MBOAT4: variants seen among roughly 807,000 people sequenced by gnomAD.
MBOAT4 encodes membrane bound ghrelin O-acyltransferase MBOAT4, also known as membrane-bound ghrelin O-acyltransferase MBOAT4.
Under a neutral mutation model 13.2 loss-of-function variants are expected in MBOAT4, and 11 were observed. That is an observed-to-expected ratio of 0.84 (90% CI 0.53 to 1.38). The LOEUF (loss-of-function observed/expected upper bound fraction) is 1.38. Ranked by LOEUF, MBOAT4 falls within the 40% of genes most tolerant of loss-of-function variation. The pLI, the probability that MBOAT4 is intolerant of heterozygous loss-of-function variation, is 0.00. For missense variants in MBOAT4, 481 were observed against 527.2 expected, an observed-to-expected ratio of 0.91 and a Z score of 0.86; for synonymous variants, 202 against 210.3, an observed-to-expected ratio of 0.96 and a Z score of 0.34.
In MBOAT4 at chr8:30,132,577, A is replaced by G; in HGVS notation, c.674T>C (p.Val225Ala). Residue 225 changes from valine to alanine, a missense_variant, in exon 3 of 3, where the codon GTG (valine) becomes GCG (alanine). By Grantham distance (64) the Val-to-Ala change is moderately conservative. Coordinates refer to ENST00000320542, the MANE Select transcript of MBOAT4 (RefSeq NM_001100916.2). Reference protein sequence around the residue: ...LECLNVAVSRVVDAGAGLTDC... With the variant: ...LECLNVAVSRAVDAGAGLTDC... ...AGTCAGTCCCGCTCCTGCATCCACCACCCTGCTCACTGCCACGTTTAGGCA... is the reference window on the plus strand; with the variant it reads ...AGTCAGTCCCGCTCCTGCATCCACCGCCCTGCTCACTGCCACGTTTAGGCA... The G allele has an allele frequency of 6.4e-7, 1 of 1,551,488 alleles. No individual in the cohort carries two copies. The highest frequency in any genetic ancestry group is 8.7e-7 in the Non-Finnish European group (1 of 1,146,968).
chr8:30,133,267 C>T (rs1447709567), intron 2 of MBOAT4, among the ~76,000 whole-genome samples: 1 of 151,974 alleles, frequency 6.6e-6, no homozygotes, highest in Non-Finnish European at 1.5e-5. Context: ...GACTAATATA[C>T]CCCAAACTTT....
intron 1 of MBOAT4, among the ~76,000 whole-genome samples, chr8:30,141,151 T>C (rs1201653185): frequency 6.6e-6 from 1 of 152,164 alleles, no homozygotes; most frequent in African/African-American, 2.4e-5. Flanking sequence ...ATTGTTTTTT[T>C]AATGTTGTAA....
At chr8:30,133,007 T>G (rs1019281738) in intron 2 of MBOAT4, 101 bp from the exon 3 acceptor site, 1 of 1,178,864 alleles carries the variant, frequency 8.5e-7, no homozygotes, top group African/African-American at 1.5e-5. Flanking sequence ...TAGATAGGTC[T>G]GTACAGCTAA....
At chr8:30,133,916 T>C (rs1268410459) in intron 2 of MBOAT4, among the ~76,000 whole-genome samples, 2 of 152,102 alleles carry the variant, frequency 1.3e-5, no homozygotes, top group Admixed American at 6.6e-5. Context: ...AATGCTTGTA[T>C]GTCTGATAAC....
At chr8:30,141,166 C>T (rs1482373049) in intron 1 of MBOAT4, among the ~76,000 whole-genome samples, 2 of 151,958 alleles carry the variant, frequency 1.3e-5, no homozygotes, top group Non-Finnish European at 2.9e-5. Flanking sequence ...TTGTAAAATA[C>T]CCACATTGAT....
intron 1 of MBOAT4, among the ~76,000 whole-genome samples, chr8:30,143,249 G>A (rs1803291394): frequency 6.6e-6 from 1 of 152,034 alleles, no homozygotes; most frequent in South Asian, 2.1e-4. Flanking sequence ...TGGGGAGGCT[G>A]AGGCAGGAGA....
intron 1 of MBOAT4, among the ~76,000 whole-genome samples, chr8:30,140,101 G>A (rs149525047): frequency 2.6e-5 from 4 of 152,216 alleles, no homozygotes; most frequent in East Asian, 1.9e-4. Context: ...GCAGAGGTGC[G>A]ATGTTGCTCA....
At chr8:30,142,729 A>G (rs1243240028) in intron 1 of MBOAT4, among the ~76,000 whole-genome samples, 1 of 152,102 alleles carries the variant, frequency 6.6e-6, no homozygotes, top group Non-Finnish European at 1.5e-5. Context: ...ATGTTGCTTT[A>G]TTGTTTTGAG....
At chr8:30,139,384 C>A (rs1354648170) in intron 1 of MBOAT4, among the ~76,000 whole-genome samples, 1 of 151,408 alleles carries the variant, frequency 6.6e-6, no homozygotes, top group African/African-American at 2.5e-5. Context: ...GCAAGGACAT[C>A]TTTGAAATCT....
At chr8:30,139,494 AG>A (rs1803225173) in intron 1 of MBOAT4, among the ~76,000 whole-genome samples, 1 of 152,192 alleles carries the variant, frequency 6.6e-6, no homozygotes, top group Non-Finnish European at 1.5e-5. Flanking sequence ...TCCTTTTCAC[AG>A]GGTCGTGCTA....
At position 30,131,762 on chromosome 8, in the gene MBOAT4, C is replaced by A; in HGVS notation, c.*181G>T. The A allele has an allele frequency of 1.5e-6, 1 of 650,388 alleles. No individual in the cohort carries two copies. The highest frequency in any genetic ancestry group is 2.5e-6 in the Non-Finnish European group (1 of 400,486). The allele number at this position is 650,388 out of a possible 1,614,324, so 40.3% of individuals were successfully genotyped here. On this transcript the variant is annotated 3_prime_UTR_variant, in exon 3 of 3. Coordinates refer to ENST00000320542, the MANE Select transcript of MBOAT4 (RefSeq NM_001100916.2). ...TTTTTCCTTTTTGTATCCTCAGTAC[C>A]AGCAGAATAGCTTGCTAAAGTAGAT...
rs140544481 is a variant in MBOAT4, at chr8:30,132,765, T to C, written c.486A>G (p.Ala162=). ...AGAGCAAGTAGCTGAAATAGGGCAGTGCCTTACACACATGCTCAGACAAAG... is the reference window on the plus strand; with the variant it reads ...AGAGCAAGTAGCTGAAATAGGGCAGCGCCTTACACACATGCTCAGACAAAG... ...RSSLSEHVCK[A]LPYFSYLLFF... The change falls in exon 3 of 3, where the codon GCA becomes GCG. Residue 162 remains alanine (A), a synonymous_variant. Coordinates refer to ENST00000320542, the MANE Select transcript of MBOAT4 (RefSeq NM_001100916.2). 5.2e-6 allele frequency: 8 copies of C among 1,551,624 alleles called. No individual in the cohort carries two copies. Among genetic ancestry groups the C allele is most frequent in the Non-Finnish European group, 7.0e-6 (8 of 1,147,008 alleles).
chr8:30,135,002 C>T (rs532751856), intron 2 of MBOAT4, among the ~76,000 whole-genome samples: 1 of 152,262 alleles, frequency 6.6e-6, no homozygotes, highest in East Asian at 1.9e-4. Context: ...ACCTCTCCCT[C>T]CTGAGAAGCT....
chr8:30,140,533 G>A (rs533768255), intron 1 of MBOAT4, among the ~76,000 whole-genome samples: 1 of 152,198 alleles, frequency 6.6e-6, no homozygotes, highest in Admixed American at 6.5e-5. Context: ...GTTTATGCTT[G>A]GGTTCACTTT....
chr8:30,135,021 A>C (rs1803108918), intron 2 of MBOAT4, among the ~76,000 whole-genome samples: 1 of 150,428 alleles, frequency 6.6e-6, no homozygotes, highest in South Asian at 2.1e-4. Context: ...CTGGAACTTC[A>C]GACATGCGCT....
chr8:30,137,467 G>A, intron 2 of MBOAT4: 3 of 1,551,682 alleles, frequency 1.9e-6, no homozygotes, highest in Non-Finnish European at 2.6e-6. Flanking sequence ...GTGGGCTCTA[G>A]GATTCCTGCT....
At chr8:30,132,988 C>T (rs1036090306) in intron 2 of MBOAT4, 82 bp from the exon 3 acceptor site, 37 of 1,379,558 alleles carry the variant, frequency 2.7e-5, no homozygotes, top group Middle Eastern at 2.6e-4. Context: ...TACATGATCT[C>T]GCAGGAAATA....
At chr8:30,141,927 C>A (rs916022295) in intron 1 of MBOAT4, among the ~76,000 whole-genome samples, 1 of 152,176 alleles carries the variant, frequency 6.6e-6, no homozygotes, top group East Asian at 1.9e-4. Flanking sequence ...TCTCTTTGAA[C>A]CTATGCTTGG....
Position 30,132,356 on chromosome 8 carries a change from T to C in MBOAT4, c.895A>G (p.Ile299Val). 6.4e-7 allele frequency: 1 copy of C among 1,551,720 alleles called. No homozygotes were observed. The highest frequency in any genetic ancestry group is 8.7e-7 in the Non-Finnish European group (1 of 1,147,004). ...DIWTLERTHR[I>V]SVFSRKWNQS... Reference sequence around the variant, plus strand: ...TTCCACTTTCTTGAGAACACAGATATCCTGTGGGTTCTTTCCAGGGTCCAG... The same window carrying C: ...TTCCACTTTCTTGAGAACACAGATACCCTGTGGGTTCTTTCCAGGGTCCAG... Residue 299 changes from isoleucine (I) to valine (V), a missense_variant, in exon 3 of 3, where the codon ATA (isoleucine) becomes GTA (valine). By Grantham distance (29) the Ile-to-Val change is conservative. Transcript: ENST00000320542.
Sources: gnomAD v4.1 joint callset for allele counts (sites outside exome capture counted in the v4.1 genomes callset) on GRCh38, gnomAD v4.1.1 for gene constraint, MANE v1.5 for transcripts, NCBI Gene and HGNC (gene_info 2026-07-23, HGNC 2026-07-21) for gene names.